SH3PXD2A: variants seen among roughly 807,000 people sequenced by gnomAD.
The protein encoded by SH3PXD2A is SH3 and PX domain-containing protein 2A.
A neutral mutation model predicts 115.2 loss-of-function variants in SH3PXD2A; 32 were observed. That is an observed-to-expected ratio of 0.28 (90% CI 0.21 to 0.37). The LOEUF (loss-of-function observed/expected upper bound fraction) is 0.37, where lower values mean the gene tolerates loss of function less well. Ranked by LOEUF, SH3PXD2A falls within the 10% of genes least tolerant of loss-of-function variation. SH3PXD2A has a pLI of 1.00. For missense variants in SH3PXD2A, 1,328 were observed against 1,498.7 expected (o/e 0.89, Z 1.88); for synonymous variants, 610 against 629.1 (o/e 0.97, Z 0.45).
At chr10:103,606,646 C>T (rs1368992147) in intron 13 of SH3PXD2A, among the ~76,000 whole-genome samples, 14 of 152,042 alleles carry the variant, frequency 9.2e-5, no homozygotes, top group African/African-American at 3.1e-4. Context: ...AGGCGCGCGC[C>T]GCCATGCCTG....
intron 1 of SH3PXD2A, among the ~76,000 whole-genome samples, chr10:103,802,358 T>C (rs747883330): frequency 3.1e-4 from 47 of 152,204 alleles, no homozygotes; most frequent in Non-Finnish European, 6.3e-4. Flanking sequence ...GAAGAGGCGT[T>C]AGCACGTGGG....
chr10:103,780,609 A>T (rs1185076789), intron 2 of SH3PXD2A, among the ~76,000 whole-genome samples: 1 of 152,198 alleles, frequency 6.6e-6, no homozygotes, highest in African/African-American at 2.4e-5. Context: ...GCCACCATCC[A>T]GGCCCTGTGT....
chr10:103,810,337 A>T (rs1044715866), intron 1 of SH3PXD2A, among the ~76,000 whole-genome samples: 4 of 152,216 alleles, frequency 2.6e-5, no homozygotes, highest in African/African-American at 9.7e-5. Flanking sequence ...GAGGCAAAGC[A>T]TCCAACCTCC....
intron 2 of SH3PXD2A, among the ~76,000 whole-genome samples, chr10:103,768,489 T>C (rs2038782848): frequency 6.6e-6 from 1 of 151,834 alleles, no homozygotes; most frequent in South Asian, 2.1e-4. Context: ...GGACAGGCAA[T>C]GAGATCTGAG....
At chr10:103,744,372 C>T (rs1373211042) in intron 3 of SH3PXD2A, among the ~76,000 whole-genome samples, 4 of 151,968 alleles carry the variant, frequency 2.6e-5, no homozygotes, top group Admixed American at 6.6e-5. Flanking sequence ...AGGCTGGTCT[C>T]GAACTCCCGA....
At chr10:103,694,351 CAG>C (rs1218277897) in intron 5 of SH3PXD2A, among the ~76,000 whole-genome samples, 1 of 152,142 alleles carries the variant, frequency 6.6e-6, no homozygotes, top group African/African-American at 2.4e-5. Context: ...GGGAAAGGAG[CAG>C]AGTCATCCTC....
At chr10:103,809,490 A>G (rs2039242888) in intron 1 of SH3PXD2A, among the ~76,000 whole-genome samples, 1 of 152,198 alleles carries the variant, frequency 6.6e-6, no homozygotes, top group Non-Finnish European at 1.5e-5. Flanking sequence ...GACCTGGGCC[A>G]GATGGACCTT....
intron 1 of SH3PXD2A, among the ~76,000 whole-genome samples, chr10:103,851,860 T>C (rs892173608): frequency 4.6e-5 from 7 of 152,204 alleles, no homozygotes; most frequent in Non-Finnish European, 7.3e-5. Context: ...GAAAGTGCAA[T>C]ACCTCCCAAA....
At chr10:103,757,184 G>A (rs999930370) in intron 3 of SH3PXD2A, among the ~76,000 whole-genome samples, 2 of 152,216 alleles carry the variant, frequency 1.3e-5, no homozygotes, top group Non-Finnish European at 2.9e-5. Context: ...GGAGGGAGTG[G>A]AGGGTAAAGG....
Position 103,658,033 on chromosome 10 carries a change from T to C in SH3PXD2A, c.604+2950A>G, listed in dbSNP as rs1345769552. ...TTAGCCTATTACTTCAGCCACAAAT[T>C]GGTTAAACTCCCTTCTACTGCATGG... On this transcript the variant is annotated intron_variant, in intron 8 of 14. Transcript: ENST00000369774. 2.0e-4 allele frequency among the ~76,000 whole-genome samples: 31 copies of C among 152,212 alleles called. 1 individual carries two copies. The highest frequency in any genetic ancestry group is 2.0e-3 in the Admixed American group (31 of 15,286).
intron 6 of SH3PXD2A, among the ~76,000 whole-genome samples, chr10:103,673,783 C>G (rs1165566704): frequency 6.6e-6 from 1 of 152,118 alleles, no homozygotes; most frequent in African/African-American, 2.4e-5. Context: ...TGGGAGAGAC[C>G]AGAATGAGTA....
intron 6 of SH3PXD2A, among the ~76,000 whole-genome samples, chr10:103,690,675 C>T (rs974537948): frequency 2.6e-5 from 4 of 152,216 alleles, no homozygotes; most frequent in Non-Finnish European, 2.9e-5. Flanking sequence ...AACACCTTTG[C>T]AGAAACATCT....
chr10:103,695,688 A>G (rs555233411), intron 5 of SH3PXD2A, among the ~76,000 whole-genome samples: 3 of 152,276 alleles, frequency 2.0e-5, no homozygotes, highest in East Asian at 1.9e-4. Flanking sequence ...TGCATCTCCA[A>G]CAAACTCCCC....
intron 7 of SH3PXD2A, 40 bp from the exon 8 acceptor site, chr10:103,661,154 C>A (rs1287166025): frequency 2.5e-6 from 4 of 1,600,656 alleles, no homozygotes; most frequent in Non-Finnish European, 3.4e-6. Flanking sequence ...CAGCGGCCAG[C>A]CATGGCCCCG....
At chr10:103,843,466 CA>C (rs1295794252) in intron 1 of SH3PXD2A, among the ~76,000 whole-genome samples, 1 of 152,206 alleles carries the variant, frequency 6.6e-6, no homozygotes, top group Non-Finnish European at 1.5e-5. Flanking sequence ...TGGAGACTGG[CA>C]GCTGAACCCT....
intron 2 of SH3PXD2A, among the ~76,000 whole-genome samples, chr10:103,772,328 T>C (rs2038831810): frequency 6.6e-6 from 1 of 152,222 alleles, no homozygotes; most frequent in Non-Finnish European, 1.5e-5. Flanking sequence ...GGCTGTCTCC[T>C]GAACCTGCTG....
intron 8 of SH3PXD2A, among the ~76,000 whole-genome samples, chr10:103,645,115 T>A (rs2037016877): frequency 1.1e-4 from 17 of 152,194 alleles, no homozygotes; most frequent in Admixed American, 1.1e-3. Context: ...GGCTCCCCCA[T>A]CACCTTGACC....
In SH3PXD2A at chr10:103,766,617, A is replaced by G. The variant is rs118059053; in HGVS notation, c.229+477T>C. Reference sequence around the variant, plus strand: ...CCTGAGAAGTTTTCCTCTAAATTACATAATGTAATTGATTGCCTTAAACAC... The same window carrying G: ...CCTGAGAAGTTTTCCTCTAAATTACGTAATGTAATTGATTGCCTTAAACAC... On this transcript the variant is annotated intron_variant, in intron 3 of 14. Coordinates refer to ENST00000369774, the MANE Select transcript of SH3PXD2A (RefSeq NM_001394015.1). Among the ~76,000 whole-genome samples the G allele has an allele frequency of 1.3e-3, 195 of 152,346 alleles. 7 individuals carry two copies. In the East Asian group the frequency reaches 0.03, roughly 24 times the overall value.
At chr10:103,731,542 G>A (rs1223303339) in intron 4 of SH3PXD2A, among the ~76,000 whole-genome samples, 4 of 152,198 alleles carry the variant, frequency 2.6e-5, no homozygotes, top group Non-Finnish European at 5.9e-5. Context: ...CTACTATCTG[G>A]GTTGAGGGAG....
Sources: gnomAD v4.1 joint callset for allele counts (sites outside exome capture counted in the v4.1 genomes callset) on GRCh38, gnomAD v4.1.1 for gene constraint, MANE v1.5 for transcripts, NCBI Gene and HGNC (gene_info 2026-07-23, HGNC 2026-07-21) for gene names.